ALMS1: variants seen among roughly 807,000 people sequenced by gnomAD.
ALMS1 encodes centrosome-associated protein ALMS1.
In ALMS1, 271 loss-of-function variants were observed where a neutral mutation model predicts 352.2. The observed-to-expected ratio is 0.77, with a 90% confidence interval of 0.70 to 0.85. ALMS1 has a LOEUF of 0.85. Ranked by LOEUF, ALMS1 falls within the 40% of genes least tolerant of loss-of-function variation. The pLI, the probability that ALMS1 is intolerant of heterozygous loss-of-function variation, is 0.00. For synonymous variants in ALMS1, 1,865 were observed against 1,761.2 expected (o/e 1.06, Z -1.48); for missense variants, 5,445 against 4,870.7 (o/e 1.12, Z -3.51).
intron 21 of ALMS1, 114 bp downstream of exon 21, chr2:73,603,418 A>G (rs1675744633): frequency 1.0e-6 from 1 of 956,836 alleles, no homozygotes; most frequent in Admixed American, 2.0e-5. Context: ...AAACATTATG[A>G]GAAAGTTGTG....
intron 12 of ALMS1, among the ~76,000 whole-genome samples, chr2:73,546,558 G>A (rs1182943505): frequency 2.6e-5 from 4 of 152,168 alleles, no homozygotes; most frequent in African/African-American, 7.2e-5. Flanking sequence ...AAATAAGTAC[G>A]TAATTACAAG....
At chr2:73,477,127 A>G (rs1156463117) in intron 9 of ALMS1, among the ~76,000 whole-genome samples, 1 of 152,038 alleles carries the variant, frequency 6.6e-6, no homozygotes, top group Admixed American at 6.6e-5. Flanking sequence ...GATTTAGTCC[A>G]ATTTATCAAC....
At chr2:73,469,200 C>T (rs572431859) in intron 9 of ALMS1, among the ~76,000 whole-genome samples, 1 of 151,644 alleles carries the variant, frequency 6.6e-6, no homozygotes, top group Admixed American at 6.6e-5. Context: ...AAAAAAAAAC[C>T]ATGAAGTAAA....
Position 73,602,427 on chromosome 2 carries a change from C to G in ALMS1, c.12298+59C>G, listed in dbSNP as rs181073947. The G allele has an allele frequency of 6.0e-4, 956 of 1,585,120 alleles. 2 individuals are homozygous for G. The highest frequency in any genetic ancestry group is 5.4e-3 in the African/African-American group (400 of 74,442). On this transcript the variant is annotated intron_variant, in intron 20 of 22. Transcript: ENST00000613296. ...AATAGAGAAGGCAAGGTCTGCTGCTCTGCTGCAGAGCCCTGCTAAAGGCCA... is the reference window on the plus strand; with the variant it reads ...AATAGAGAAGGCAAGGTCTGCTGCTGTGCTGCAGAGCCCTGCTAAAGGCCA...
intron 7 of ALMS1, among the ~76,000 whole-genome samples, 195 bp downstream of exon 7, chr2:73,432,486 T>C (rs1156315950): frequency 1.4e-5 from 2 of 147,356 alleles, no homozygotes; most frequent in Admixed American, 6.6e-5. Context: ...GTATGGCTTA[T>C]AAACAACAGA....
At chr2:73,587,206 G>A (rs6743576) in intron 16 of ALMS1, among the ~76,000 whole-genome samples, 66,866 of 151,936 alleles carry the variant, frequency 0.44, 16,226 homozygotes, top group African/African-American at 0.66. Context: ...TAGGTATACA[G>A]TCATATCATC....
intron 9 of ALMS1, among the ~76,000 whole-genome samples, chr2:73,481,784 G>A (rs1672710849): frequency 6.6e-6 from 1 of 151,006 alleles, no homozygotes. Context: ...CCTTGAAGAG[G>A]TCCTTCACAT....
At chr2:73,555,664 A>C (rs1256579941) in intron 13 of ALMS1, among the ~76,000 whole-genome samples, 1 of 152,188 alleles carries the variant, frequency 6.6e-6, no homozygotes, top group Non-Finnish European at 1.5e-5. Context: ...AAAAGACATG[A>C]AACAGCCTGG....
Position 73,491,455 on chromosome 2 carries a change from G to A in ALMS1, c.9496G>A (p.Glu3166Lys), listed in dbSNP as rs201208516. ...AATACAAGTGAACATTTCAGATTTC[G>A]AAGGACATTCCAATCCAGAGGGGAC... ...RQIQVNISDF[E>K]GHSNPEGTPV... is the part of the protein sequence containing the mutation. Residue 3166 changes from glutamate to lysine, a missense_variant, in exon 10 of 23, where the codon GAA becomes AAA. Transcript: ENST00000613296. The A allele has an allele frequency of 2.5e-5, 41 of 1,614,076 alleles. No homozygotes were observed. The highest frequency in any genetic ancestry group is 2.5e-4 in the African/African-American group (19 of 75,048).
intron 21 of ALMS1, 88 bp from the exon 22 acceptor site, chr2:73,608,387 A>G (rs1301344483): frequency 2.0e-6 from 2 of 1,016,838 alleles, no homozygotes; most frequent in Admixed American, 3.4e-5. Flanking sequence ...AGTGGGAGGT[A>G]TAGGGAGGGA....
At chr2:73,440,450 GTCTTTCTCTCTCTCTCTCTCTTGCTGTC>G (rs1671694938) in intron 7 of ALMS1, among the ~76,000 whole-genome samples, 1 of 151,994 alleles carries the variant, frequency 6.6e-6, no homozygotes, top group African/African-American at 2.4e-5. Flanking sequence ...CGCGTTCGCT[GTCTTTCTCTCTCTCTCTCTCTTGCTGTC>G]TCTTTCTCTC....
At chr2:73,393,987 A>G (rs1288614535) in intron 1 of ALMS1, among the ~76,000 whole-genome samples, 1 of 151,400 alleles carries the variant, frequency 6.6e-6, no homozygotes, top group African/African-American at 2.4e-5. Flanking sequence ...TGCCTGGCTA[A>G]TTTTTGTAGG....
rs766862114 is a variant in ALMS1 at position 73,419,144 on chromosome 2, C to T, written c.472C>T (p.Leu158Phe). ...CTAGAAAACAGAATCTTGGCATTGT[C>T]TTCCTCAAGAAATGGACTCTTCCCA... is the stretch of plus-strand genomic sequence containing the variant. ...DDQKTESWHC[L>F]PQEMDSSQTL... The change falls in exon 3 of 23, where the codon CTT becomes TTT. Residue 158 changes from leucine (L) to phenylalanine (F), a missense_variant. Leu to Phe is a conservative substitution (Grantham distance 22). Coordinates refer to ENST00000613296, the MANE Select transcript of ALMS1 (RefSeq NM_001378454.1). The T allele has an allele frequency of 3.1e-6, 5 of 1,613,966 alleles. No individual in the cohort carries two copies. The highest frequency in any genetic ancestry group is 3.4e-6 in the Non-Finnish European group (4 of 1,179,900).
intron 9 of ALMS1, among the ~76,000 whole-genome samples, chr2:73,484,773 T>TC (rs1672789652): frequency 1.3e-5 from 2 of 148,896 alleles, no homozygotes; most frequent in Admixed American, 1.3e-4. Flanking sequence ...TTTGCTCATT[T>TC]CTTTTTATTC....
chr2:73,525,293 A>G (rs139239658), intron 11 of ALMS1, among the ~76,000 whole-genome samples: 207 of 152,338 alleles, frequency 1.4e-3, no homozygotes, highest in South Asian at 3.7e-3. Flanking sequence ...TATACCTAGC[A>G]GTGGGATTGC....
At chr2:73,433,668 G>A (rs1671554324) in intron 7 of ALMS1, among the ~76,000 whole-genome samples, 1 of 152,104 alleles carries the variant, frequency 6.6e-6, no homozygotes, top group Admixed American at 6.6e-5. Flanking sequence ...GCTGAGGTGG[G>A]AGGATCACTT....
intron 4 of ALMS1, 94 bp downstream of exon 4, chr2:73,423,068 G>A (rs1020273930): frequency 1.1e-5 from 12 of 1,114,024 alleles, no homozygotes; most frequent in Middle Eastern, 2.0e-4. Flanking sequence ...ACTTTGAGGT[G>A]GGGCTTAGAT....
rs1671873003 is a variant in ALMS1 at position 73,449,143 on chromosome 2, G to A, written c.2616G>A (p.Gln872=). The A allele has an allele frequency of 1.2e-6, 2 of 1,613,900 alleles. No individual in the cohort carries two copies. The change falls in exon 8 of 23, where the codon CAG becomes CAA. Residue 872 remains glutamine (Q), a synonymous_variant. Transcript: ENST00000613296. ...GAGAAAAGCCCAGTGCTTTCTATCA[G>A]CAGACCTTACCCAATAGTCATCTAA... ...SLGEKPSAFY[Q]QTLPNSHLTE... is the part of the protein sequence containing the mutation.
intron 2 of ALMS1, among the ~76,000 whole-genome samples, chr2:73,417,825 A>G (rs1671206244): frequency 1.3e-5 from 2 of 152,238 alleles, no homozygotes; most frequent in South Asian, 4.1e-4. Context: ...ATTAACTAAT[A>G]TTAAATTCAA....
Sources: gnomAD v4.1 joint callset for allele counts (sites outside exome capture counted in the v4.1 genomes callset) on GRCh38, gnomAD v4.1.1 for gene constraint, MANE v1.5 for transcripts, NCBI Gene and HGNC (gene_info 2026-07-23, HGNC 2026-07-21) for gene names.